LAMC3: variants seen among roughly 807,000 people sequenced by gnomAD.
The protein encoded by LAMC3 is laminin subunit gamma 3, also known as laminin subunit gamma-3.
In LAMC3, 128 loss-of-function variants were observed where a neutral mutation model predicts 173.8. The ratio of observed to expected loss-of-function variants is 0.74; its 90% CI spans 0.64 to 0.85. LAMC3 has a LOEUF of 0.85. Among genes scored for constraint, LAMC3 ranks in the 40% least tolerant of loss-of-function variants. LAMC3 has a pLI of 0.00. For missense variants in LAMC3, 2,022 were observed against 2,156.0 expected, an observed-to-expected ratio of 0.94 and a Z score of 1.23; for synonymous variants, 897 against 909.1, an observed-to-expected ratio of 0.99 and a Z score of 0.24.
At chr9:131,031,988 G>T in intron 2 of LAMC3, 57 bp from the exon 3 acceptor site, 1 of 1,613,628 alleles carries the variant, frequency 6.2e-7, no homozygotes. Context: ...AGAGCGATGG[G>T]GGTAAATACT....
chr9:131,056,389 T>G (rs1834403820), intron 11 of LAMC3, among the ~76,000 whole-genome samples: 1 of 152,058 alleles, frequency 6.6e-6, no homozygotes, highest in Admixed American at 6.6e-5. Context: ...AATCTATATA[T>G]CGTTAATAAC....
At chr9:131,090,574 A>G (rs1338147507) in intron 27 of LAMC3, among the ~76,000 whole-genome samples, 2 of 152,138 alleles carry the variant, frequency 1.3e-5, no homozygotes, top group African/African-American at 2.4e-5. Context: ...CCAGGGGCCC[A>G]GTGGAATCCT....
intron 18 of LAMC3, 37 bp from the exon 19 acceptor site, chr9:131,072,593 A>G: frequency 6.4e-7 from 1 of 1,565,890 alleles, no homozygotes; most frequent in Non-Finnish European, 8.7e-7. Context: ...TGACATCTCC[A>G]CCACTTTGTG....
chr9:131,066,639 C>T (rs771035367), intron 13 of LAMC3, among the ~76,000 whole-genome samples: 19 of 152,240 alleles, frequency 1.2e-4, no homozygotes, highest in Non-Finnish European at 2.2e-4. Flanking sequence ...ATAGCCACCA[C>T]TCCTGAGTGC....
At chr9:131,077,361 T>A in intron 22 of LAMC3, 27 bp downstream of exon 22, 1 of 1,612,350 alleles carries the variant, frequency 6.2e-7, no homozygotes, top group South Asian at 1.1e-5. Context: ...CAGAGCTCCG[T>A]GTGGGGTCGG....
chr9:131,091,520 T>A lies in LAMC3; in HGVS notation c.4478-17T>A. ...GGGCTGCTGGCTCACAGTGAGGCTG[T>A]TTGTGCCCCACCACAGGGTCGCTGG... On this transcript the variant is annotated splice_polypyrimidine_tract_variant and intron_variant, in intron 27 of 27. Coordinates refer to ENST00000361069, the MANE Select transcript of LAMC3 (RefSeq NM_006059.4). The A allele has an allele frequency of 6.4e-7, 1 of 1,569,244 alleles. No individual in the cohort carries two copies. Among genetic ancestry groups the A allele is most frequent in the Non-Finnish European group, 8.6e-7 (1 of 1,158,216 alleles).
At chr9:131,032,555 T>TTG (rs1202721650) in intron 3 of LAMC3, among the ~76,000 whole-genome samples, 1 of 123,612 alleles carries the variant, frequency 8.1e-6, no homozygotes, top group African/African-American at 5.0e-5. Flanking sequence ...TTGCTCTCTC[T>TTG]CGCTCTCTCT....
chr9:131,069,755 T>G lies in LAMC3; in HGVS notation c.2974T>G (p.Tyr992Asp), dbSNP rs751347574. 6.3e-7 allele frequency: 1 copy of G among 1,598,814 alleles called. No homozygotes were observed. Among genetic ancestry groups the G allele is most frequent in the South Asian group, 1.1e-5 (1 of 88,442 alleles). ...CGTGTGCAGGCCTGGCTTCGAGGGC[T>G]ACAAATGTGACCGCTGCCACGACAA... ...TCVCRPGFEG[Y>D]KCDRCHDNFF... Residue 992 changes from tyrosine (Y) to aspartate (D), a missense_variant, in exon 17 of 28, where the codon TAC (tyrosine) becomes GAC (aspartate). By Grantham distance (160) the Tyr-to-Asp change is radical. Transcript: ENST00000361069.
In LAMC3 at chr9:131,032,149, C is replaced by G. The variant is rs574155279; in HGVS notation, c.783C>G (p.Ala261=). 2 of 1,613,260 alleles carry G rather than the reference C, an allele frequency of 1.2e-6. No homozygotes were observed. Among genetic ancestry groups the G allele is most frequent in the Admixed American group, 1.7e-5 (1 of 59,866 alleles). Residue 261 remains alanine (A), a synonymous_variant, in exon 3 of 28, where the codon GCC becomes GCG. Transcript: ENST00000361069. ...AGGTGCTCCAGTCCTACTATTATGC[C>G]GTGTCCGACTTCTCTGTGGGCGGCA... ...DPKVLQSYYY[A]VSDFSVGGRC...
At chr9:131,065,739 C>T (rs1588160202) in intron 13 of LAMC3, among the ~76,000 whole-genome samples, 1 of 152,142 alleles carries the variant, frequency 6.6e-6, no homozygotes, top group African/African-American at 2.4e-5. Context: ...CACGTGATCA[C>T]GGGTGATGAT....
chr9:131,070,547 C>T (rs1217729445), intron 17 of LAMC3, among the ~76,000 whole-genome samples: 2 of 152,094 alleles, frequency 1.3e-5, no homozygotes, highest in African/African-American at 4.8e-5. Context: ...CCTGTCTCTA[C>T]TAAAAATACA....
At position 131,026,214 on chromosome 9, in the gene LAMC3, T is replaced by C; in HGVS notation, c.374-71T>C. ...CGCTAGTGCCTGCAATGCAGCCGTC[T>C]GTCCTTCCTAGACCAGGATTCCATA... On this transcript the variant is annotated intron_variant, in intron 1 of 27. Transcript: ENST00000361069. The surrounding 1 kb of genome is among the most constrained non-coding windows in gnomAD (Gnocchi z 4.8). 6.2e-7 allele frequency: 1 copy of C among 1,600,364 alleles called. No homozygotes were observed. The highest frequency in any genetic ancestry group is 8.5e-7 in the Non-Finnish European group (1 of 1,174,046).
chr9:131,055,379 T>C (rs1834379892), intron 11 of LAMC3, among the ~76,000 whole-genome samples: 2 of 152,020 alleles, frequency 1.3e-5, no homozygotes, highest in South Asian at 4.1e-4. Context: ...AAGCAAAACC[T>C]TCTGATTAGT....
rs11244275 is a variant in LAMC3 at position 131,079,161 on chromosome 9, C to T, written c.3790C>T (p.Arg1264Trp). ...ASPGALPQKS[R>W]AEDLGLKAKA... ...TGTCTCCCTGCAGCCTCAGAAGTCC[C>T]GGGCTGAAGACCTGGGCCTGAAGGC... The change falls in exon 23 of 28, where the codon CGG becomes TGG. Residue 1264 changes from arginine to tryptophan, a missense_variant. Arg to Trp is a moderately radical substitution (Grantham distance 101). Coordinates refer to ENST00000361069, the MANE Select transcript of LAMC3 (RefSeq NM_006059.4). 0.052 allele frequency: 84,431 copies of T among 1,613,254 alleles called. 2,543 individuals carry two copies. The highest frequency in any genetic ancestry group is 0.098 in the Middle Eastern group (597 of 6,062).
chr9:131,043,472 A>G (rs886695202), intron 7 of LAMC3, among the ~76,000 whole-genome samples: 4 of 152,016 alleles, frequency 2.6e-5, no homozygotes, highest in Admixed American at 2.0e-4. Context: ...AGACACAAAC[A>G]AAACAGCCCA....
intron 1 of LAMC3, among the ~76,000 whole-genome samples, chr9:131,013,350 G>T (rs1833458599): frequency 6.6e-6 from 1 of 152,168 alleles, no homozygotes; most frequent in South Asian, 2.1e-4. Context: ...CTCCCGGCTT[G>T]CACTTGGATC....
At chr9:131,059,490 C>CAAAAAAA (rs58064050) in intron 12 of LAMC3, among the ~76,000 whole-genome samples, 9 of 64,404 alleles carry the variant, frequency 1.4e-4, no homozygotes, top group African/African-American at 2.2e-4. Flanking sequence ...GACTCCGTCT[C>CAAAAAAA]AAAAAAAAAA....
chr9:131,022,874 G>A (rs1204088595), intron 1 of LAMC3, among the ~76,000 whole-genome samples: 5 of 151,978 alleles, frequency 3.3e-5, no homozygotes, highest in South Asian at 2.1e-4. Flanking sequence ...CACTAAGCCC[G>A]GCTTGGAACA....
intron 3 of LAMC3, among the ~76,000 whole-genome samples, chr9:131,034,988 T>TTGCCCAGGC (rs1254493344): frequency 6.6e-6 from 1 of 151,966 alleles, no homozygotes; most frequent in Non-Finnish European, 1.5e-5. Context: ...TTTGCTCTCG[T>TTGCCCAGGC]TGCCCAGGCT....
Sources: allele counts gnomAD v4.1 joint callset (sites outside exome capture counted in the v4.1 genomes callset), GRCh38; gene constraint gnomAD v4.1.1; non-coding constraint Gnocchi (gnomAD v3.1); transcripts MANE v1.5; gene names NCBI Gene and HGNC (gene_info 2026-07-23, HGNC 2026-07-21).